The following MTO1 variants were observed in gnomAD, a reference collection of about 807,000 sequenced individuals.
MTO1 encodes 5-taurinomethyluridine-[tRNA] synthase subunit MTO1, mitochondrial.
In MTO1, 46 loss-of-function variants were observed where a neutral mutation model predicts 71.6. The observed-to-expected ratio is 0.64, with a 90% confidence interval of 0.51 to 0.82. The LOEUF is 0.82. Ranked by LOEUF, MTO1 falls within the 40% of genes least tolerant of loss-of-function variation. The pLI is 0.00. For synonymous variants in MTO1, 297 were observed against 312.1 expected, an observed-to-expected ratio of 0.95 and a Z score of 0.51; for missense variants, 773 against 867.5, an observed-to-expected ratio of 0.89 and a Z score of 1.37.
chr6:73,497,792 GAT>G lies in MTO1; in HGVS notation c.1814_1815del (p.Asp605GlyfsTer22). Reference protein sequence around the residue: ...QLQEIKGVQQDEALQLPKDLD... With the variant: ...QLQEIKGVQQXEALQLPKDLD... ...ACAAGAAATAAAGGGAGTTCAGCAA[GAT>G]GAAGCTCTCCAACTGCCAAAAGACC... On this transcript the variant is annotated frameshift_variant, in exon 11 of 12. Coordinates refer to ENST00000498286, the MANE Select transcript of MTO1 (RefSeq NM_012123.4). LOFTEE classifies it high-confidence loss of function. 6.2e-7 allele frequency: 1 copy of G among 1,614,030 alleles called. No individual in the cohort carries two copies. The highest frequency in any genetic ancestry group is 8.5e-7 in the Non-Finnish European group (1 of 1,179,940).
intron 4 of MTO1, among the ~76,000 whole-genome samples, chr6:73,476,576 T>C (rs1368445770): frequency 6.6e-6 from 1 of 152,114 alleles, no homozygotes; most frequent in East Asian, 1.9e-4. Context: ...TTTATCGCTA[T>C]AGATATATCA....
chr6:73,466,912 C>A (rs1771015549), intron 3 of MTO1, among the ~76,000 whole-genome samples: 2 of 151,996 alleles, frequency 1.3e-5, no homozygotes, highest in Non-Finnish European at 2.9e-5. Flanking sequence ...CTGGTTCTGA[C>A]TTTAATTTTT....
chr6:73,499,130 T>G (rs184483121), intron 11 of MTO1, among the ~76,000 whole-genome samples: 1 of 152,012 alleles, frequency 6.6e-6, no homozygotes, highest in Admixed American at 6.6e-5. Flanking sequence ...TACAAAAATA[T>G]AGACTGTAGA....
rs1216274930 is a variant in MTO1 at position 73,508,483 on chromosome 6, C to A, written c.*7748C>A. The A allele has an allele frequency of 6.6e-6, 1 of 152,040 alleles. No individual in the cohort carries two copies. Among genetic ancestry groups the A allele is most frequent in the East Asian group, 1.9e-4 (1 of 5,194 alleles). 9.4% of individuals were successfully genotyped at this position (152,040 alleles called of 1,614,324 possible). On this transcript the variant is annotated 3_prime_UTR_variant, in exon 12 of 12. Coordinates refer to ENST00000498286, the MANE Select transcript of MTO1 (RefSeq NM_012123.4). ...TTCTAGAATATACTGTATTTTGACACAAGACCAGACTGTGCTATGTGTATG... is the reference window on the plus strand; with the variant it reads ...TTCTAGAATATACTGTATTTTGACAAAAGACCAGACTGTGCTATGTGTATG...
intron 4 of MTO1, among the ~76,000 whole-genome samples, chr6:73,475,767 C>T (rs1390168224): frequency 3.3e-5 from 5 of 152,072 alleles, no homozygotes; most frequent in Admixed American, 6.6e-5. Context: ...CCGCCTCGGC[C>T]TCCCAAAGTG....
chr6:73,486,160 C>G (rs1239848797), intron 9 of MTO1, among the ~76,000 whole-genome samples: 2 of 151,996 alleles, frequency 1.3e-5, no homozygotes, highest in African/African-American at 2.4e-5. Flanking sequence ...TTAAAACTAT[C>G]TCGAATTCTG....
At chr6:73,486,693 AAGCC>A in intron 9 of MTO1, 4 of 355,550 alleles carry the variant, frequency 1.1e-5, no homozygotes, top group South Asian at 2.0e-5. Context: ...AGCCGAGATC[AAGCC>A]ATTGCACCCA....
rs149860789 is a variant in MTO1, at chr6:73,470,498, G to A, written c.536-2867G>A. 1.0e-3 allele frequency among the ~76,000 whole-genome samples: 159 copies of A among 152,170 alleles called. 3 individuals are homozygous for A. The East Asian group carries it at 0.027, about 25-fold the overall frequency. On this transcript the variant is annotated intron_variant, in intron 3 of 11. Transcript: ENST00000498286. ...TGGGATTACAGGCATGAGCCACCGC[G>A]CGTGGCCCAGGAGTGTCATCTTTTA... is the stretch of plus-strand genomic sequence containing the variant.
At chr6:73,473,277 CAGATAGAT>C (rs138624045) in intron 3 of MTO1, 80 bp from the exon 4 acceptor site, 27 of 1,282,430 alleles carry the variant, frequency 2.1e-5, no homozygotes, top group East Asian at 5.1e-5. Flanking sequence ...GACTTCATCT[CAGATAGAT>C]AGATAGATAG....
chr6:73,498,502 C>T (rs1301284632), intron 11 of MTO1, among the ~76,000 whole-genome samples: 1 of 150,958 alleles, frequency 6.6e-6, no homozygotes, highest in Admixed American at 6.7e-5. Context: ...CATAGTGTTG[C>T]CTTGGGAACT....
chr6:73,496,487 AATT>A (rs966324227), intron 10 of MTO1, among the ~76,000 whole-genome samples: 11 of 145,328 alleles, frequency 7.6e-5, no homozygotes, highest in South Asian at 2.2e-4. Context: ...TCTTTTTTTT[AATT>A]ATTATTATTA....
rs1187243221 is a variant in MTO1, at chr6:73,497,828, T to A, written c.1849T>A (p.Leu617Met). 3.7e-6 allele frequency: 6 copies of A among 1,613,992 alleles called. No individual in the cohort carries two copies. In the East Asian group the frequency reaches 1.3e-4, roughly 36 times the overall value. ...ALQLPKDLDY[L>M]TIRDVSLSHE... ...CCAACTGCCAAAAGACCTAGATTATTTGACTATCAGGGATGTGTCTTTGTC... is the reference window on the plus strand; with the variant it reads ...CCAACTGCCAAAAGACCTAGATTATATGACTATCAGGGATGTGTCTTTGTC... Residue 617 changes from leucine to methionine, a missense_variant, in exon 11 of 12, where the codon TTG (leucine) becomes ATG (methionine). Coordinates refer to ENST00000498286, the MANE Select transcript of MTO1 (RefSeq NM_012123.4).
chr6:73,483,531 G>T (rs1561947895), intron 9 of MTO1, among the ~76,000 whole-genome samples: 2 of 152,048 alleles, frequency 1.3e-5, no homozygotes, highest in East Asian at 3.9e-4. Context: ...CTCAAACCAA[G>T]AAAAGTTGTT....
chr6:73,465,761 C>T (rs1199728364), intron 1 of MTO1, among the ~76,000 whole-genome samples: 4 of 151,950 alleles, frequency 2.6e-5, no homozygotes, highest in South Asian at 2.1e-4. Flanking sequence ...CCGAGGTGGG[C>T]AGATCACCTG....
At position 73,482,537 on chromosome 6, in the gene MTO1, GAAATCTATT is replaced by G; in HGVS notation, c.1555_1563del (p.Lys519_Ile521del). The G allele has an allele frequency of 6.2e-7, 1 of 1,612,508 alleles. No individual in the cohort carries two copies. Among genetic ancestry groups the G allele is most frequent in the Non-Finnish European group, 8.5e-7 (1 of 1,179,746 alleles). On this transcript the variant is annotated inframe_deletion, in exon 9 of 12. Transcript: ENST00000498286. ...CTTTAGAAGAAGGCATTTCTGTGTT[GAAATCTATT>G]GAGTTTTTGAGCTCTAAATGGAAAA...
chr6:73,488,125 C>A (rs759052508), intron 9 of MTO1, among the ~76,000 whole-genome samples: 6 of 152,096 alleles, frequency 3.9e-5, no homozygotes, highest in Non-Finnish European at 7.4e-5. Context: ...ATTTTTATAT[C>A]ATTGGAGAAG....
intron 3 of MTO1, among the ~76,000 whole-genome samples, chr6:73,467,819 G>GT (rs1771044655): frequency 6.6e-6 from 1 of 151,342 alleles, no homozygotes; most frequent in Admixed American, 6.6e-5. Flanking sequence ...TTTTTTGTTT[G>GT]TTTGTTTTTG....
Position 73,461,995 on chromosome 6 carries a change from C to T in MTO1, c.141C>T (p.Ala47=). 5 of 1,614,022 alleles carry T rather than the reference C, an allele frequency of 3.1e-6. No homozygotes were observed. The highest frequency in any genetic ancestry group is 4.2e-6 in the Non-Finnish European group (5 of 1,180,010). ...TGATAGTCATTGGTGGAGGACATGC[C>T]GGGACTGAGGCAGCCACCGCCGCCG... is the stretch of plus-strand genomic sequence containing the variant. The part of the protein sequence containing the change: ...FDVIVIGGGH[A]GTEAATAAAR... Residue 47 remains alanine (A), a synonymous_variant, in exon 1 of 12, where the codon GCC becomes GCT. Transcript: ENST00000498286.
rs1160439825 is a variant in MTO1 at position 73,479,935 on chromosome 6, G to C, written c.939-1G>C. ...AAGTTTATTTAAATGTTCTATTCTA[G>C]ATACTGTCCCTCCATTGAATCAAAA... On this transcript the variant is annotated splice_acceptor_variant, in intron 5 of 11. Coordinates refer to ENST00000498286, the MANE Select transcript of MTO1 (RefSeq NM_012123.4). LOFTEE classifies it high-confidence loss of function. 1 of 1,611,668 alleles carries C rather than the reference G, an allele frequency of 6.2e-7. No homozygotes were observed. Among genetic ancestry groups the C allele is most frequent in the Non-Finnish European group, 8.5e-7 (1 of 1,178,688 alleles).
Sources: allele counts gnomAD v4.1 joint callset (sites outside exome capture counted in the v4.1 genomes callset), GRCh38; gene constraint gnomAD v4.1.1; transcripts MANE v1.5; gene names NCBI Gene and HGNC (gene_info 2026-07-23, HGNC 2026-07-21).